KRT31: variants seen among roughly 807,000 people sequenced by gnomAD.
KRT31 encodes the protein keratin 31, also known as keratin, type I cuticular Ha1.
Under a neutral mutation model 40.8 loss-of-function variants are expected in KRT31, and 27 were observed. The observed-to-expected ratio is 0.66, with a 90% CI of 0.49 to 0.91. The LOEUF is 0.91. KRT31 is among the 40% of genes least tolerant of loss of function. The pLI is 0.00. For missense variants in KRT31, 510 were observed against 544.1 expected, an observed-to-expected ratio of 0.94 and a Z score of 0.62; for synonymous variants, 231 against 231.9, an observed-to-expected ratio of 1.00 and a Z score of 0.03.
In KRT31 at chr17:41,395,005, C is replaced by A. The variant is rs753334304; in HGVS notation, c.940G>T (p.Val314Leu). ...TCCACGTTGGTGATCAGGCTCTGCA[C>A]CTGGGACAGCTGGGAGCTGTAGCGG... The part of the protein sequence containing the change: ...EARYSSQLSQ[V>L]QSLITNVESQ... The change falls in exon 6 of 7, where the codon GTG becomes TTG. Residue 314 changes from valine (V) to leucine (L), a missense_variant. Val to Leu is a conservative substitution (Grantham distance 32). Coordinates refer to ENST00000251645, the MANE Select transcript of KRT31 (RefSeq NM_002277.3). The A allele has an allele frequency of 3.1e-6, 5 of 1,614,238 alleles. No individual in the cohort carries two copies. Among genetic ancestry groups the A allele is most frequent in the Non-Finnish European group, 4.2e-6 (5 of 1,180,046 alleles).
chr17:41,393,746 T>G lies in KRT31; in HGVS notation c.*270A>C. On this transcript the variant is annotated 3_prime_UTR_variant, in exon 7 of 7. Transcript: ENST00000251645. ...TGCTTTGCCAAGGAAATGATATTTA[T>G]TAGGAGGTTAAAAGGGAGGCCCACT... is the stretch of plus-strand genomic sequence containing the variant. 1 of 458,874 alleles carries G rather than the reference T, an allele frequency of 2.2e-6. No homozygotes were observed. 28.4% of individuals were successfully genotyped at this position (458,874 alleles called of 1,614,324 possible). A position where few individuals can be genotyped will look rare whatever the true frequency, so the allele number is the denominator to read the frequency against.
intron 3 of KRT31, among the ~76,000 whole-genome samples, 199 bp downstream of exon 3, chr17:41,396,221 C>G (rs2018223607): frequency 6.6e-6 from 1 of 152,114 alleles, no homozygotes; most frequent in South Asian, 2.1e-4. Context: ...AAATAATGTG[C>G]TAGTTTAAAG....
chr17:41,393,931 C>T lies in KRT31; in HGVS notation c.*85G>A, dbSNP rs2018174344. 1.4e-6 allele frequency: 2 copies of T among 1,466,464 alleles called. No homozygotes were observed. Among genetic ancestry groups the T allele is most frequent in the Non-Finnish European group, 1.8e-6 (2 of 1,090,448 alleles). The allele number at this position is 1,466,464 out of a possible 1,614,324, so 90.8% of individuals were successfully genotyped here. A position where few individuals can be genotyped will look rare whatever the true frequency, so the allele number is the denominator to read the frequency against. On this transcript the variant is annotated 3_prime_UTR_variant, in exon 7 of 7. Coordinates refer to ENST00000251645, the MANE Select transcript of KRT31 (RefSeq NM_002277.3). ...ACTCCAGCCATGCAAATGATGTTTT[C>T]AGGCCCCTTTTGTTGAACCAGAGCC...
chr17:41,395,006 C>T lies in KRT31; in HGVS notation c.939G>A (p.Gln313=), dbSNP rs754648711. ...CCACGTTGGTGATCAGGCTCTGCAC[C>T]TGGGACAGCTGGGAGCTGTAGCGGG... ...SEARYSSQLS[Q]VQSLITNVES... is the part of the protein sequence containing the mutation. The change falls in exon 6 of 7, where the codon CAG becomes CAA. Residue 313 remains glutamine, a synonymous_variant. Transcript: ENST00000251645. 17 of 1,614,268 alleles carry T rather than the reference C, an allele frequency of 1.1e-5. No homozygotes were observed. The South Asian group carries it at 1.8e-4, about 17-fold the overall frequency.
Position 41,397,181 on chromosome 17 carries a change from A to G in KRT31, c.348+11T>C. The G allele has an allele frequency of 6.2e-7, 1 of 1,612,696 alleles. No individual in the cohort carries two copies. Among genetic ancestry groups the G allele is most frequent in the Non-Finnish European group, 8.5e-7 (1 of 1,178,812 alleles). On this transcript the variant is annotated intron_variant, in intron 1 of 6. Coordinates refer to ENST00000251645, the MANE Select transcript of KRT31 (RefSeq NM_002277.3). ...ACTCTCTTGCTTGGAGATGACAGCAATGCCGCTCACCTTCTGCTGGAGCTC... is the reference window on the plus strand; with the variant it reads ...ACTCTCTTGCTTGGAGATGACAGCAGTGCCGCTCACCTTCTGCTGGAGCTC...
In KRT31 at chr17:41,395,448, G is replaced by A. The variant is rs1199362713; in HGVS notation, c.750+14C>T. The A allele has an allele frequency of 1.9e-6, 3 of 1,614,078 alleles. No homozygotes were observed. Among genetic ancestry groups the A allele is most frequent in the East Asian group, 2.2e-5 (1 of 44,868 alleles). ...GGCCTTGGGTCCTGAGGGGCCACGT[G>A]CTTAGATGCCCACCTGCGTGGTGAA... On this transcript the variant is annotated intron_variant, in intron 4 of 6. Transcript: ENST00000251645.
intron 3 of KRT31, 127 bp from the exon 4 acceptor site, chr17:41,395,750 GACAGCTCAAGGC>G (rs2018216014): frequency 8.9e-7 from 1 of 1,119,316 alleles, no homozygotes; most frequent in Non-Finnish European, 1.3e-6. Context: ...AGCAGTTTGT[GACAGCTCAAGGC>G]ACTCCATGTG....
chr17:41,397,497 T>C lies in KRT31; in HGVS notation c.43A>G (p.Ser15Gly), dbSNP rs904518362. The C allele has an allele frequency of 1.3e-6, 2 of 1,558,410 alleles. No individual in the cohort carries two copies. Among genetic ancestry groups the C allele is most frequent in the Non-Finnish European group, 8.7e-7 (1 of 1,147,052 alleles). ...FCLPSLSCRT[S>G]CSSRPCVPPS... ...GGCACGCAGGGCCGGGAGGAGCAGC[T>C]GGTGCGGCAGCTCAGGCTGGGCAGG... The change falls in exon 1 of 7, where the codon AGC becomes GGC. Residue 15 changes from serine (S) to glycine (G), a missense_variant. Ser to Gly is a moderately conservative substitution (Grantham distance 56). Transcript: ENST00000251645.
intron 2 of KRT31, 146 bp downstream of exon 2, chr17:41,396,767 A>G: frequency 1.0e-6 from 1 of 966,242 alleles, no homozygotes; most frequent in East Asian, 2.6e-5. Context: ...GTCCTCATCC[A>G]TTTTTGCATT....
chr17:41,396,787 G>T, intron 2 of KRT31, 126 bp downstream of exon 2: 1 of 1,016,708 alleles, frequency 9.8e-7, no homozygotes, highest in Non-Finnish European at 1.5e-6. Context: ...TTCTTTGCTT[G>T]GTTCTCCCCA....
In KRT31 at chr17:41,394,095, G is replaced by A; in HGVS notation, c.1172C>T (p.Thr391Ile). The change falls in exon 7 of 7, where the codon ACC (threonine) becomes ATC (isoleucine). Residue 391 changes from threonine to isoleucine, a missense_variant. By Grantham distance (89) the Thr-to-Ile change is moderately conservative. Transcript: ENST00000251645. Reference protein sequence around the residue: ...PIGPCLSNPCTSCVPPAPCTP... With the variant: ...PIGPCLSNPCISCVPPAPCTP... The stretch of plus-strand genomic sequence containing the variant: ...GCAGGGGGCAGGAGGGACACAAGAG[G>A]TACAGGGATTGGAGAGACAGGGTCC... 1 of 1,613,170 alleles carries A rather than the reference G, an allele frequency of 6.2e-7. No individual in the cohort carries two copies. Among genetic ancestry groups the A allele is most frequent in the Non-Finnish European group, 8.5e-7 (1 of 1,179,570 alleles).
At position 41,396,520 on chromosome 17, in the gene KRT31, C is replaced by A; in HGVS notation, c.488G>T (p.Arg163Leu). Reference protein sequence around the residue: ...QLVESDINGLRRILDELTLCK... With the variant: ...QLVESDINGLLRILDELTLCK... ...CAGGGTCAGCTCATCCAGGATCCTG[C>A]GCAGACCGTTGATGTCCGACTCCAC... Residue 163 changes from arginine to leucine, a missense_variant, in exon 3 of 7, where the codon CGC becomes CTC. By Grantham distance (102) the Arg-to-Leu change is moderately radical (BLOSUM62 -2). Transcript: ENST00000251645. 1.2e-6 allele frequency: 2 copies of A among 1,614,186 alleles called. No homozygotes were observed. Among genetic ancestry groups the A allele is most frequent in the South Asian group, 2.2e-5 (2 of 91,080 alleles).
chr17:41,394,827 C>T lies in KRT31; in HGVS notation c.1097+21G>A. 1.9e-6 allele frequency: 3 copies of T among 1,612,574 alleles called. No individual in the cohort carries two copies. The African/African-American group carries it at 4.0e-5, about 22-fold the overall frequency. On this transcript the variant is annotated intron_variant, in intron 6 of 6. Transcript: ENST00000251645. ...CTCACACGTGCATCATTTCATCAAA[C>T]ACGTCTGCCCATGTACTCACTTGCA... is the stretch of plus-strand genomic sequence containing the variant.
rs2018251191 is a variant in KRT31 at position 41,397,422 on chromosome 17, T to C, written c.118A>G (p.Asn40Asp). 6.2e-7 allele frequency: 1 copy of C among 1,612,876 alleles called. No individual in the cohort carries two copies. Among genetic ancestry groups the C allele is most frequent in the Non-Finnish European group, 8.5e-7 (1 of 1,179,998 alleles). Residue 40 changes from asparagine to aspartate, a missense_variant, in exon 1 of 7, where the codon AAT becomes GAT. Physicochemically the swap from Asn to Asp is conservative, Grantham distance 23 (BLOSUM62 1). Transcript: ENST00000251645. ...CAGAACCAGTTGCAGTTGCTCACAT[T>C]GGCGGGGATGTTGCAGGCCCCGGGC... ...TLPGACNIPA[N>D]VSNCNWFCEG...
chr17:41,396,568 G>A lies in KRT31; in HGVS notation c.440C>T (p.Thr147Ile), dbSNP rs1278117249. The A allele has an allele frequency of 3.7e-6, 6 of 1,613,618 alleles. No individual in the cohort carries two copies. Among genetic ancestry groups the A allele is most frequent in the Non-Finnish European group, 4.2e-6 (5 of 1,179,806 alleles). ...AADDFRTKYQTELSLRQLVES... is the reference protein window; with the variant it reads ...AADDFRTKYQIELSLRQLVES... ...CACCAGCTGCCGCAGGGACAGCTCGGTCTGGTACCTGCGCAAGGACAGGGT... is the reference window on the plus strand; with the variant it reads ...CACCAGCTGCCGCAGGGACAGCTCGATCTGGTACCTGCGCAAGGACAGGGT... Residue 147 changes from threonine (T) to isoleucine (I), a missense_variant, in exon 3 of 7, where the codon ACC (threonine) becomes ATC (isoleucine). Transcript: ENST00000251645.
At chr17:41,396,646 C>T (rs1453008927) in intron 2 of KRT31, 70 bp from the exon 3 acceptor site, 2 of 1,531,198 alleles carry the variant, frequency 1.3e-6, no homozygotes, top group East Asian at 2.3e-5. Flanking sequence ...TTTTGATAAC[C>T]TCATGTGCCT....
At chr17:41,395,791 C>T (rs913866870) in intron 3 of KRT31, among the ~76,000 whole-genome samples, 168 bp from the exon 4 acceptor site, 1 of 152,198 alleles carries the variant, frequency 6.6e-6, no homozygotes, top group Non-Finnish European at 1.5e-5. Flanking sequence ...CCCTCCCCAC[C>T]ATCTGCTGTG....
chr17:41,394,868 C>G lies in KRT31; in HGVS notation c.1077G>C (p.Leu359=), dbSNP rs76174069. The G allele has an allele frequency of 6.1e-5, 98 of 1,614,180 alleles. No individual in the cohort carries two copies. The African/African-American group carries it at 1.0e-3, about 17-fold the overall frequency. The stretch of plus-strand genomic sequence containing the variant: ...CTCACTTGCAGTCCTCGCTCTCCAG[C>G]AGGCTCCGGTATGTGTTGATCTCAC... ...LECEINTYRS[L]LESEDCNLPS... Residue 359 remains leucine, a synonymous_variant, in exon 6 of 7, where the codon CTG becomes CTC. Transcript: ENST00000251645.
intron 1 of KRT31, 30 bp downstream of exon 1, chr17:41,397,162 T>C (rs1481081841): frequency 5.6e-6 from 9 of 1,608,522 alleles, no homozygotes; most frequent in Non-Finnish European, 7.7e-6. Flanking sequence ...GCAAACTCTC[T>C]TGCTTGGAGA....
Sources: allele counts gnomAD v4.1 joint callset (sites outside exome capture counted in the v4.1 genomes callset), GRCh38; gene constraint gnomAD v4.1.1; transcripts MANE v1.5; gene names NCBI Gene and HGNC (gene_info 2026-07-23, HGNC 2026-07-21).